NIBAN1: variants seen among roughly 807,000 people sequenced by gnomAD.
NIBAN1 encodes protein Niban 1.
NIBAN1 carries 81 observed loss-of-function variants against 75.1 expected under a neutral mutation model. The ratio of observed to expected loss-of-function variants is 1.08; its 90% CI spans 0.90 to 1.30. The LOEUF (loss-of-function observed/expected upper bound fraction) is 1.30, where lower values mean the gene tolerates loss of function less well. Among genes scored for constraint, NIBAN1 ranks in the 50% most tolerant of loss-of-function variants. The pLI is 0.00. For missense variants in NIBAN1, 1,133 were observed against 1,128.1 expected (o/e 1.00, Z -0.06); for synonymous variants, 436 against 424.8 (o/e 1.03, Z -0.32).
chr1:184,824,444 G>A (rs184950386), intron 6 of NIBAN1, among the ~76,000 whole-genome samples: 5 of 152,078 alleles, frequency 3.3e-5, no homozygotes, highest in Non-Finnish European at 7.4e-5. Flanking sequence ...CAGCAAGGTT[G>A]TCTGCTTGAC....
chr1:184,793,235 G>A lies in NIBAN1; in HGVS notation c.*1742C>T, dbSNP rs1010055905. The stretch of plus-strand genomic sequence containing the variant: ...TACTCGATAGTGATGATCTAAACAA[G>A]TTCTCAACAAATATGTTGAGATCTG... On this transcript the variant is annotated 3_prime_UTR_variant, in exon 14 of 14. Transcript: ENST00000367511. The A allele has an allele frequency of 6.6e-6, 1 of 152,146 alleles. No homozygotes were observed. The highest frequency in any genetic ancestry group is 2.1e-4 in the South Asian group (1 of 4,828). The allele number at this position is 152,146 out of a possible 1,614,324, so 9.4% of individuals were successfully genotyped here.
chr1:184,905,101 G>T (rs941209052), intron 1 of NIBAN1, among the ~76,000 whole-genome samples: 2 of 152,214 alleles, frequency 1.3e-5, no homozygotes, highest in African/African-American at 4.8e-5. Context: ...AGGATTATGG[G>T]GAATGAGCCA....
intron 6 of NIBAN1, among the ~76,000 whole-genome samples, chr1:184,826,756 T>C (rs1654851608): frequency 6.6e-6 from 1 of 152,184 alleles, no homozygotes; most frequent in Non-Finnish European, 1.5e-5. Context: ...GTTTAGTCTT[T>C]CCCACACAAT....
At chr1:184,903,838 G>A (rs866583195) in intron 1 of NIBAN1, among the ~76,000 whole-genome samples, 1 of 141,646 alleles carries the variant, frequency 7.1e-6, no homozygotes, top group African/African-American at 2.6e-5. Flanking sequence ...CCAGTCTTAA[G>A]CAATCCTCCC....
intron 1 of NIBAN1, among the ~76,000 whole-genome samples, chr1:184,914,717 CT>C (rs1486000099): frequency 7.5e-6 from 1 of 134,018 alleles, no homozygotes; most frequent in Non-Finnish European, 1.5e-5. Context: ...GTTTAGTTAA[CT>C]TTCTTTTTTT....
chr1:184,803,499 C>A (rs964251865), intron 12 of NIBAN1, 86 bp downstream of exon 12: 2 of 999,716 alleles, frequency 2.0e-6, no homozygotes, highest in Non-Finnish European at 3.1e-6. Context: ...GTCTAGTCTG[C>A]TGTTTGCCAG....
At chr1:184,955,341 C>CCTTTCCTTTT (rs1658459224) in intron 1 of NIBAN1, among the ~76,000 whole-genome samples, 1 of 147,808 alleles carries the variant, frequency 6.8e-6, no homozygotes, top group African/African-American at 2.5e-5. Flanking sequence ...CCTTTCCTTT[C>CCTTTCCTTTT]CTTTCCTTTC....
At chr1:184,912,631 G>A (rs1160165878) in intron 1 of NIBAN1, among the ~76,000 whole-genome samples, 3 of 152,114 alleles carry the variant, frequency 2.0e-5, no homozygotes, top group African/African-American at 7.2e-5. Flanking sequence ...TTCTTATCCT[G>A]TGACTCCATA....
In NIBAN1 at chr1:184,966,609, G is replaced by A. The variant is rs117998293; in HGVS notation, c.55+7693C>T. On this transcript the variant is annotated intron_variant, in intron 1 of 13. Coordinates refer to ENST00000367511, the MANE Select transcript of NIBAN1 (RefSeq NM_052966.4). ...GGAGAAACAAAGAGGTCTAGAACTG[G>A]GACGGGGCACACAGAAGCCTCCTTT... Among the ~76,000 whole-genome samples the A allele has an allele frequency of 3.9e-3, 593 of 152,306 alleles. 10 individuals are homozygous for A. In the East Asian group the frequency reaches 0.047, roughly 12 times the overall value.
chr1:184,935,006 G>C (rs1464078533), intron 1 of NIBAN1, among the ~76,000 whole-genome samples: 1 of 152,224 alleles, frequency 6.6e-6, no homozygotes, highest in Non-Finnish European at 1.5e-5. Flanking sequence ...GGAGCTCAAG[G>C]CTGCAATGAG....
intron 5 of NIBAN1, among the ~76,000 whole-genome samples, chr1:184,851,616 C>A: frequency 4.8e-5 from 1 of 20,908 alleles, no homozygotes; most frequent in Non-Finnish European, 8.6e-5. Flanking sequence ...TACCCTAAAA[C>A]TTAGAGTATA....
At chr1:184,827,560 GT>G (rs58483276) in intron 6 of NIBAN1, among the ~76,000 whole-genome samples, 18 of 117,666 alleles carry the variant, frequency 1.5e-4, no homozygotes, top group Non-Finnish European at 1.6e-4. Context: ...AAATACTTCA[GT>G]TTTTTTTTTT....
chr1:184,829,548 C>T (rs149541258), intron 6 of NIBAN1, among the ~76,000 whole-genome samples: 1 of 142,890 alleles, frequency 7.0e-6, no homozygotes, highest in Non-Finnish European at 1.5e-5. Context: ...CTCACTGCAA[C>T]CTCCGCCTCC....
chr1:184,890,288 G>T (rs1359303722), intron 3 of NIBAN1, 66 bp from the exon 4 acceptor site: 6 of 1,102,232 alleles, frequency 5.4e-6, no homozygotes, highest in Non-Finnish European at 5.6e-6. Context: ...AAATATCAGG[G>T]ATATAACAAA....
intron 5 of NIBAN1, among the ~76,000 whole-genome samples, chr1:184,869,833 C>T (rs562797745): frequency 1.2e-4 from 18 of 152,306 alleles, no homozygotes; most frequent in Admixed American, 2.0e-4. Flanking sequence ...TGAGCCACTG[C>T]GCTCGGCCCA....
intron 5 of NIBAN1, among the ~76,000 whole-genome samples, chr1:184,865,817 A>G (rs188675224): frequency 1.1e-3 from 163 of 152,318 alleles, no homozygotes; most frequent in African/African-American, 3.8e-3. Context: ...CACAAATGAT[A>G]GTAGGCGATG....
At chr1:184,949,888 C>G (rs970605824) in intron 1 of NIBAN1, among the ~76,000 whole-genome samples, 1 of 151,970 alleles carries the variant, frequency 6.6e-6, no homozygotes, top group Non-Finnish European at 1.5e-5. Context: ...GGTTGGGGTC[C>G]CTGCTCTGTC....
chr1:184,938,575 T>C (rs1174299581), intron 1 of NIBAN1, among the ~76,000 whole-genome samples: 2 of 152,154 alleles, frequency 1.3e-5, no homozygotes, highest in Admixed American at 6.6e-5. Flanking sequence ...GGGACATAAA[T>C]ACAAAAGTAG....
At chr1:184,939,315 A>G (rs1301923985) in intron 1 of NIBAN1, among the ~76,000 whole-genome samples, 1 of 152,220 alleles carries the variant, frequency 6.6e-6, no homozygotes, top group Non-Finnish European at 1.5e-5. Context: ...CAAAGGTAGA[A>G]AAAAATCTTA....
Sources: allele counts gnomAD v4.1 joint callset (sites outside exome capture counted in the v4.1 genomes callset), GRCh38; gene constraint gnomAD v4.1.1; transcripts MANE v1.5; gene names NCBI Gene and HGNC (gene_info 2026-07-23, HGNC 2026-07-21).